The following PPP1R12B variants were observed in gnomAD, a reference collection of about 807,000 sequenced individuals.
PPP1R12B encodes the protein protein phosphatase 1 regulatory subunit 12B.
Under a neutral mutation model 126.1 loss-of-function variants are expected in PPP1R12B, and 76 were observed. The observed-to-expected ratio is 0.60, with a 90% CI of 0.50 to 0.73. The LOEUF (loss-of-function observed/expected upper bound fraction) is 0.73, where lower values mean the gene tolerates loss of function less well. PPP1R12B is among the 30% of genes least tolerant of loss of function. The probability of loss-of-function intolerance (pLI) is 0.00; values close to 1 mark genes in which losing one functional copy is unlikely to be tolerated. For synonymous variants in PPP1R12B, 356 were observed against 434.7 expected (o/e 0.82, Z 2.25); for missense variants, 1,052 against 1,205.1 (o/e 0.87, Z 1.88).
chr1:202,539,394 A>G (rs1322743293), intron 18 of PPP1R12B, among the ~76,000 whole-genome samples: 1 of 152,182 alleles, frequency 6.6e-6, no homozygotes, highest in African/African-American at 2.4e-5. Flanking sequence ...CTGAGCGAAT[A>G]GGGATTTGGA....
chr1:202,574,919 T>C, intron 23 of PPP1R12B: 9 of 1,309,116 alleles, frequency 6.9e-6, no homozygotes, highest in Non-Finnish European at 9.4e-6. Context: ...ATGTGATTTC[T>C]TTGTCCTACT....
chr1:202,527,227 G>C (rs1235401643), intron 18 of PPP1R12B: 1 of 152,066 alleles, frequency 6.6e-6, no homozygotes. Flanking sequence ...ACTTCTCAAA[G>C]GCATCTTACA....
intron 23 of PPP1R12B, among the ~76,000 whole-genome samples, chr1:202,578,598 TAA>T (rs747746378): frequency 7.9e-5 from 12 of 152,214 alleles, no homozygotes; most frequent in Non-Finnish European, 1.6e-4. Context: ...TTTTCTGGAT[TAA>T]GTCTTCTTAA....
intron 2 of PPP1R12B, among the ~76,000 whole-genome samples, chr1:202,418,808 T>A (rs1668414329): frequency 6.6e-6 from 1 of 152,116 alleles, no homozygotes; most frequent in Admixed American, 6.6e-5. Context: ...TTTTTTAATA[T>A]GCAATGGAAA....
chr1:202,391,360 A>G (rs145547289), intron 1 of PPP1R12B, among the ~76,000 whole-genome samples: 1 of 152,302 alleles, frequency 6.6e-6, no homozygotes, highest in African/African-American at 2.4e-5. Flanking sequence ...GATGACTAGA[A>G]CCAAAAAGTC....
At chr1:202,452,589 GGGGAGA>G (rs1265153024) in intron 13 of PPP1R12B, among the ~76,000 whole-genome samples, 3 of 151,832 alleles carry the variant, frequency 2.0e-5, no homozygotes, top group Non-Finnish European at 4.4e-5. Context: ...GGAGGGGGAG[GGGGAGA>G]GGGAGAGGGA....
At chr1:202,440,252 G>C (rs750480139) in intron 10 of PPP1R12B, among the ~76,000 whole-genome samples, 2 of 152,038 alleles carry the variant, frequency 1.3e-5, no homozygotes, top group African/African-American at 2.4e-5. Context: ...AAAGAGATGA[G>C]GCATATTGGT....
chr1:202,511,515 C>T (rs1271740535), intron 18 of PPP1R12B, among the ~76,000 whole-genome samples: 2 of 152,102 alleles, frequency 1.3e-5, no homozygotes, highest in Non-Finnish European at 2.9e-5. Flanking sequence ...CCGTGCCCGG[C>T]ATATGTAGTC....
At chr1:202,563,553 G>T (rs1315562168) in intron 20 of PPP1R12B, among the ~76,000 whole-genome samples, 1 of 149,794 alleles carries the variant, frequency 6.7e-6, no homozygotes, top group Non-Finnish European at 1.5e-5. Flanking sequence ...TCATTTGGTA[G>T]ACTGTTATTT....
At chr1:202,476,204 C>CAA (rs34552523) in intron 13 of PPP1R12B, among the ~76,000 whole-genome samples, 88 of 80,118 alleles carry the variant, frequency 1.1e-3, no homozygotes, top group East Asian at 2.8e-3. Context: ...GACTCTGTCT[C>CAA]AAAAAAAAAA....
chr1:202,361,703 C>A (rs1393496841), intron 1 of PPP1R12B, among the ~76,000 whole-genome samples: 1 of 152,056 alleles, frequency 6.6e-6, no homozygotes, highest in African/African-American at 2.4e-5. Flanking sequence ...AACTGCCAGC[C>A]CTTGAGGTCC....
In PPP1R12B at chr1:202,584,360, C is replaced by T. The variant is rs898537329; in HGVS notation, c.*3800C>T. The T allele has an allele frequency of 1.3e-5, 2 of 152,188 alleles. No individual in the cohort carries two copies. The highest frequency in any genetic ancestry group is 4.8e-5 in the African/African-American group (2 of 41,434). 9.4% of individuals were successfully genotyped at this position (152,188 alleles called of 1,614,324 possible). A position where few individuals can be genotyped will look rare whatever the true frequency, so the allele number is the denominator to read the frequency against. Reference sequence around the variant, plus strand: ...CAACATTTTACCCATTTCCCTTCCCCAAACCATGTGCTTATTAGATGGTTC... The same window carrying T: ...CAACATTTTACCCATTTCCCTTCCCTAAACCATGTGCTTATTAGATGGTTC... On this transcript the variant is annotated 3_prime_UTR_variant, in exon 24 of 24. Transcript: ENST00000608999.
At position 202,567,802 on chromosome 1, in the gene PPP1R12B, C is replaced by A; in HGVS notation, c.2782C>A (p.Arg928=). 6.2e-7 allele frequency: 1 copy of A among 1,614,032 alleles called. No homozygotes were observed. The highest frequency in any genetic ancestry group is 8.5e-7 in the Non-Finnish European group (1 of 1,179,942). ...GCAGAAACAAGAAAAGACCTCTGAC[C>A]GATCATCAGTGCTGGAGATGGAGAA... ...AQQKQEKTSD[R]SSVLEMEKRE... The change falls in exon 22 of 24, where the codon CGA becomes AGA. Residue 928 remains arginine, a synonymous_variant. Coordinates refer to ENST00000608999, the MANE Select transcript of PPP1R12B (RefSeq NM_002481.4).
rs549463156 is a variant in PPP1R12B at position 202,419,357 on chromosome 1, C to G, written c.422+2440C>G. On this transcript the variant is annotated intron_variant, in intron 2 of 23. Transcript: ENST00000608999. The surrounding 1 kb of genome is among the most constrained non-coding windows in gnomAD (Gnocchi z 4.6). ...TGTTGAGTTAGGAAGGACAAGAAGGCCTTATTTTCTAGGGGCATATTTATT... is the reference window on the plus strand; with the variant it reads ...TGTTGAGTTAGGAAGGACAAGAAGGGCTTATTTTCTAGGGGCATATTTATT... 2.6e-5 allele frequency among the ~76,000 whole-genome samples: 4 copies of G among 152,184 alleles called. No homozygotes were observed. Among genetic ancestry groups the G allele is most frequent in the Middle Eastern group, 3.4e-3 (1 of 292 alleles).
intron 18 of PPP1R12B, among the ~76,000 whole-genome samples, chr1:202,557,165 A>G (rs1308789778): frequency 2.0e-5 from 3 of 152,046 alleles, no homozygotes; most frequent in South Asian, 2.1e-4. Context: ...CTTCTTAAAA[A>G]TTATTTTGTA....
At chr1:202,553,669 C>T (rs879798579) in intron 18 of PPP1R12B, among the ~76,000 whole-genome samples, 5 of 152,110 alleles carry the variant, frequency 3.3e-5, no homozygotes, top group East Asian at 3.8e-4. Flanking sequence ...AAGATGAGTC[C>T]GCATTCCTAG....
chr1:202,573,273 C>T (rs1174708096), intron 23 of PPP1R12B, among the ~76,000 whole-genome samples: 2 of 152,162 alleles, frequency 1.3e-5, no homozygotes, highest in African/African-American at 4.8e-5. Context: ...CCGGTCCTCA[C>T]CCTCCAATGG....
rs149953104 is a variant in PPP1R12B at position 202,537,124 on chromosome 1, C to T, written c.2491-21753C>T. Among the ~76,000 whole-genome samples, 518 of 152,094 alleles carry T rather than the reference C, an allele frequency of 3.4e-3. 1 individual carries two copies. Among genetic ancestry groups the T allele is most frequent in the East Asian group, 0.022 (116 of 5,172 alleles). On this transcript the variant is annotated intron_variant, in intron 18 of 23. Coordinates refer to ENST00000608999, the MANE Select transcript of PPP1R12B (RefSeq NM_002481.4). ...AGCACCTTGGGAGGCTGAGACGGGC[C>T]GATCACAAGGTCAGGAGATCGAGAC... is the stretch of plus-strand genomic sequence containing the variant.
At chr1:202,462,498 AT>A (rs1402940182) in intron 13 of PPP1R12B, among the ~76,000 whole-genome samples, 1 of 152,130 alleles carries the variant, frequency 6.6e-6, no homozygotes, top group Non-Finnish European at 1.5e-5. Flanking sequence ...CCATTTCCTT[AT>A]GTAGCAGAAC....
Sources: allele counts gnomAD v4.1 joint callset (sites outside exome capture counted in the v4.1 genomes callset), GRCh38; gene constraint gnomAD v4.1.1; non-coding constraint Gnocchi (gnomAD v3.1); transcripts MANE v1.5; gene names NCBI Gene and HGNC (gene_info 2026-07-23, HGNC 2026-07-21).